The following F5 variants were observed in gnomAD, a reference collection of about 807,000 sequenced individuals.
F5 encodes activated protein c cofactor.
Under a neutral mutation model 216.4 loss-of-function variants are expected in F5, and 138 were observed. The observed-to-expected ratio is 0.64, with a 90% CI of 0.56 to 0.73. F5 has a LOEUF of 0.73. Among genes scored for constraint, F5 ranks in the 30% least tolerant of loss-of-function variants. The probability of loss-of-function intolerance (pLI) is 0.00; values close to 1 mark genes in which losing one functional copy is unlikely to be tolerated. For synonymous variants in F5, 916 were observed against 930.7 expected (o/e 0.98, Z 0.29); for missense variants, 2,403 against 2,674.0 (o/e 0.90, Z 2.24).
At chr1:169,573,598 G>A (rs1488703115) in intron 2 of F5, among the ~76,000 whole-genome samples, 1 of 152,164 alleles carries the variant, frequency 6.6e-6, no homozygotes, top group Non-Finnish European at 1.5e-5. Context: ...GGTAAATGAT[G>A]TTATTAGTTA....
intron 3 of F5, among the ~76,000 whole-genome samples, chr1:169,564,539 G>A (rs572191994): frequency 2.6e-5 from 4 of 151,970 alleles, no homozygotes; most frequent in East Asian, 1.9e-4. Context: ...TCTGTCATTC[G>A]ATGTCTGAAA....
intron 3 of F5, among the ~76,000 whole-genome samples, chr1:169,561,557 G>A (rs1212014201): frequency 6.6e-6 from 1 of 152,112 alleles, no homozygotes; most frequent in Non-Finnish European, 1.5e-5. Flanking sequence ...ATAATAAAAT[G>A]GAGCAAGTGA....
rs1345255976 is a variant in F5 at position 169,523,665 on chromosome 1, C to T, written c.5892+136G>A. The T allele has an allele frequency of 6.1e-5, 53 of 865,716 alleles. 1 individual carries two copies. Among genetic ancestry groups the T allele is most frequent in the South Asian group, 4.3e-4 (31 of 71,490 alleles). The allele number at this position is 865,716 out of a possible 1,614,324, so 53.6% of individuals were successfully genotyped here. On this transcript the variant is annotated intron_variant, in intron 20 of 24. Transcript: ENST00000367797. ...GGGTTGATTTTAAGGATATAAAGTACTTAGAACAGTGCCTCACACTTAGTA... is the reference window on the plus strand; with the variant it reads ...GGGTTGATTTTAAGGATATAAAGTATTTAGAACAGTGCCTCACACTTAGTA...
chr1:169,552,484 TA>T, intron 8 of F5, 72 bp downstream of exon 8: 1 of 1,281,052 alleles, frequency 7.8e-7, no homozygotes, highest in African/African-American at 1.5e-5. Flanking sequence ...CTTTTAAAAT[TA>T]AAAAATAACC....
rs201865717 is a variant in F5 at position 169,556,813 on chromosome 1, G to A, written c.785C>T (p.Ser262Leu). Residue 262 changes from serine to leucine, a missense_variant, in exon 6 of 25, where the codon TCG (serine) becomes TTG (leucine). This residue lies in a region of F5 where 1,425 missense variants were observed against 1,554.8 expected (regional missense o/e 0.92). Transcript: ENST00000367797. ...HISWHLLGMS[S>L]GPELFSIHFN... ...ATGAATGGAGAATAATTCTGGCCCC[G>A]AGCTCATTCCCAGCAGATGCCAGCT... 4.3e-6 allele frequency: 7 copies of A among 1,613,922 alleles called. No individual in the cohort carries two copies. Among genetic ancestry groups the A allele is most frequent in the African/African-American group, 4.0e-5 (3 of 74,884 alleles).
In F5 at chr1:169,554,464, T is replaced by C. The variant is rs77585960; in HGVS notation, c.1118+718A>G. On this transcript the variant is annotated intron_variant, in intron 7 of 24. Transcript: ENST00000367797. ...AAACTAGTTTTCTACTGATGGACATTTTGGGTTGTTTCCAGTCTTACTACT... is the reference window on the plus strand; with the variant it reads ...AAACTAGTTTTCTACTGATGGACATCTTGGGTTGTTTCCAGTCTTACTACT... 2.7e-3 allele frequency among the ~76,000 whole-genome samples: 416 copies of C among 152,330 alleles called. 14 individuals carry two copies. The East Asian group carries it at 0.07, about 26-fold the overall frequency.
In F5 at chr1:169,586,287, A is replaced by G. The variant is rs1661102544; in HGVS notation, c.100T>C (p.Phe34Leu). 1.2e-6 allele frequency: 2 copies of G among 1,614,176 alleles called. No homozygotes were observed. Among genetic ancestry groups the G allele is most frequent in the African/African-American group, 1.3e-5 (1 of 75,056 alleles). Residue 34 changes from phenylalanine to leucine, a missense_variant, in exon 1 of 25, where the codon TTC becomes CTC. Physicochemically the swap from Phe to Leu is conservative, Grantham distance 22. Coordinates refer to ENST00000367797, the MANE Select transcript of F5 (RefSeq NM_000130.5). ...QGTEAAQLRQ[F>L]YVAAQGISWS... ...CTGATGCCCTGAGCAGCCACGTAGA[A>G]CTGCCTTAGCTGTGCCGCTTCTGTC... is the stretch of plus-strand genomic sequence containing the variant.
Position 169,513,793 on chromosome 1 carries a change from T to C in F5, c.*520A>G, listed in dbSNP as rs1659089620. Reference sequence around the variant, plus strand: ...CTGGAAAGATGCTTGGCTGTTTTTTTACTCATGGAAAGTCAGAAAAATCAT... The same window carrying C: ...CTGGAAAGATGCTTGGCTGTTTTTTCACTCATGGAAAGTCAGAAAAATCAT... On this transcript the variant is annotated 3_prime_UTR_variant, in exon 25 of 25. Transcript: ENST00000367797. Among the ~76,000 whole-genome samples the C allele has an allele frequency of 6.6e-6, 1 of 152,140 alleles. No individual in the cohort carries two copies. Among genetic ancestry groups the C allele is most frequent in the African/African-American group, 2.4e-5 (1 of 41,426 alleles).
intron 8 of F5, among the ~76,000 whole-genome samples, chr1:169,551,318 C>T (rs1178579623): frequency 6.6e-6 from 1 of 152,086 alleles, no homozygotes; most frequent in Non-Finnish European, 1.5e-5. Context: ...GGCGTTGGGG[C>T]GTGTGCCTGT....
intron 2 of F5, among the ~76,000 whole-genome samples, chr1:169,582,163 T>C (rs1319288082): frequency 6.6e-6 from 1 of 152,262 alleles, no homozygotes; most frequent in Non-Finnish European, 1.5e-5. Flanking sequence ...GTATGTGACC[T>C]GGGCAGTTTC....
chr1:169,520,639 G>A lies in F5; in HGVS notation c.6074C>T (p.Ser2025Phe), dbSNP rs766963697. The A allele has an allele frequency of 1.2e-6, 2 of 1,613,806 alleles. No homozygotes were observed. The highest frequency in any genetic ancestry group is 1.7e-6 in the Non-Finnish European group (2 of 1,179,816). The change falls in exon 22 of 25, where the codon TCT becomes TTT. Residue 2025 changes from serine (S) to phenylalanine (F), a missense_variant. Transcript: ENST00000367797. ...GTCAAACTGATTCTCTTTTATTGTA[G>A]AGGCATCTGAATTGCCATTAAAATA... ...VMYFNGNSDA[S>F]TIKENQFDPP... is the part of the protein sequence containing the mutation.
chr1:169,550,295 C>CAA (rs1660135588), intron 9 of F5, among the ~76,000 whole-genome samples: 2 of 136,004 alleles, frequency 1.5e-5, no homozygotes, highest in African/African-American at 5.4e-5. Flanking sequence ...CCCACCCCCC[C>CAA]CCCCCGACAG....
intron 16 of F5, among the ~76,000 whole-genome samples, chr1:169,529,167 G>A (rs565933653): frequency 6.6e-6 from 1 of 152,228 alleles, no homozygotes; most frequent in African/African-American, 2.4e-5. Flanking sequence ...GTGCCACCTG[G>A]TAGCTGCTGA....
In F5 at chr1:169,540,567, T is replaced by A. The variant is rs1467906415; in HGVS notation, c.4523A>T (p.Asn1508Ile). Reference sequence around the variant, plus strand: ...ACTGAGGCCCACTATAACCAGTGGATTAAATTCCTTTGATAGAAAAGTATC... The same window carrying A: ...ACTGAGGCCCACTATAACCAGTGGAATAAATTCCTTTGATAGAAAAGTATC... ...LNDTFLSKEF[N>I]PLVIVGLSKD... Residue 1508 changes from asparagine to isoleucine, a missense_variant, in exon 13 of 25, where the codon AAT (asparagine) becomes ATT (isoleucine). Physicochemically the swap from Asn to Ile is moderately radical, Grantham distance 149 (BLOSUM62 -3). This residue lies in a region of F5 where 293 missense variants were observed against 270.8 expected (regional missense o/e 1.08). Transcript: ENST00000367797. The A allele has an allele frequency of 1.9e-6, 3 of 1,614,038 alleles. No homozygotes were observed. Among genetic ancestry groups the A allele is most frequent in the Non-Finnish European group, 1.7e-6 (2 of 1,179,976 alleles).
At chr1:169,576,941 A>G (rs1660864904) in intron 2 of F5, among the ~76,000 whole-genome samples, 1 of 151,954 alleles carries the variant, frequency 6.6e-6, no homozygotes. Context: ...TATTTATTCA[A>G]CCTCCCCTCC....
intron 1 of F5, among the ~76,000 whole-genome samples, chr1:169,584,893 G>T (rs1359747151): frequency 6.6e-6 from 1 of 152,182 alleles, no homozygotes; most frequent in Non-Finnish European, 1.5e-5. Context: ...ACCAGTCATG[G>T]TTCCCTGTGT....
chr1:169,582,826 G>A (rs892424735), intron 1 of F5, among the ~76,000 whole-genome samples: 6 of 152,114 alleles, frequency 3.9e-5, no homozygotes, highest in African/African-American at 1.4e-4. Flanking sequence ...CCAAACTGTA[G>A]GTTTAGATTT....
intron 3 of F5, among the ~76,000 whole-genome samples, chr1:169,567,798 G>A (rs9332552): frequency 0.011 from 1,680 of 152,192 alleles, 37 homozygotes; most frequent in African/African-American, 0.038. Context: ...GAGGGGCTCT[G>A]CCTAGTTAAC....
intron 22 of F5, among the ~76,000 whole-genome samples, chr1:169,519,004 AC>A (rs1659225175): frequency 6.6e-6 from 1 of 152,214 alleles, no homozygotes; most frequent in Non-Finnish European, 1.5e-5. Context: ...GATACAATGG[AC>A]CCTCAGTCAC....
Sources: allele counts gnomAD v4.1 joint callset (sites outside exome capture counted in the v4.1 genomes callset), GRCh38; gene constraint gnomAD v4.1.1; regional missense constraint gnomAD v4.1.1; transcripts MANE v1.5; gene names NCBI Gene and HGNC (gene_info 2026-07-23, HGNC 2026-07-21).